Variants in CDH8 observed in about 807,000 individuals in gnomAD.
CDH8 encodes cadherin-8.
Under a neutral mutation model 68.1 loss-of-function variants are expected in CDH8, and 17 were observed. The observed-to-expected ratio is 0.25, with a 90% CI of 0.17 to 0.37. CDH8 has a LOEUF of 0.37. Ranked by LOEUF, CDH8 falls within the 10% of genes least tolerant of loss-of-function variation. The pLI, the probability that CDH8 is intolerant of heterozygous loss-of-function variation, is 1.00. For missense variants in CDH8, 763 were observed against 999.3 expected (o/e 0.76, Z 3.19); for synonymous variants, 372 against 365.1 (o/e 1.02, Z -0.21).
At chr16:61,721,639 T>C (rs1033350717) in intron 9 of CDH8, among the ~76,000 whole-genome samples, 8 of 140,306 alleles carry the variant, frequency 5.7e-5, no homozygotes, top group African/African-American at 2.1e-4. Context: ...GTCACAGGAA[T>C]GTATTGTTTT....
intron 8 of CDH8, 109 bp from the exon 9 acceptor site, chr16:61,727,324 A>C: frequency 8.7e-7 from 1 of 1,144,110 alleles, no homozygotes; most frequent in Non-Finnish European, 1.2e-6. Flanking sequence ...CTTAATTAGG[A>C]TGTTTTCAAC....
intron 2 of CDH8, among the ~76,000 whole-genome samples, chr16:61,980,564 A>G (rs1246242308): frequency 6.6e-6 from 1 of 152,150 alleles, no homozygotes; most frequent in Non-Finnish European, 1.5e-5. Context: ...TACAACCCTC[A>G]GGTCAGTTAT....
chr16:61,842,725 G>A (rs1962712771), intron 4 of CDH8, among the ~76,000 whole-genome samples: 1 of 152,168 alleles, frequency 6.6e-6, no homozygotes, highest in African/African-American at 2.4e-5. Context: ...GAATACTCAA[G>A]AGCCAGAGCA....
At position 61,954,745 on chromosome 16, in the gene CDH8, G is replaced by A. The variant is rs117010778; in HGVS notation, c.253-53272C>T. 2.6e-4 allele frequency among the ~76,000 whole-genome samples: 40 copies of A among 151,128 alleles called. No homozygotes were observed. The East Asian group carries it at 6.8e-3, about 26-fold the overall frequency. ...AAGAAAGAAAGAAAGATAAATACAG[G>A]AAATGAATTTGCAAAACAAAAATAC... On this transcript the variant is annotated intron_variant, in intron 2 of 11. Transcript: ENST00000577390.
At chr16:61,893,069 T>C (rs1785377627) in intron 3 of CDH8, among the ~76,000 whole-genome samples, 1 of 152,092 alleles carries the variant, frequency 6.6e-6, no homozygotes, top group Non-Finnish European at 1.5e-5. Context: ...GAGTCCAAAA[T>C]CAAGATGTCA....
At chr16:61,784,455 C>A (rs1298050478) in intron 8 of CDH8, among the ~76,000 whole-genome samples, 1 of 150,028 alleles carries the variant, frequency 6.7e-6, no homozygotes, top group African/African-American at 2.5e-5. Context: ...GAGTGACCTA[C>A]AAAGAGACTT....
chr16:61,780,830 T>C lies in CDH8; in HGVS notation c.1414+8516A>G, dbSNP rs1961032014. 2.6e-5 allele frequency among the ~76,000 whole-genome samples: 4 copies of C among 152,220 alleles called. No individual in the cohort carries two copies. The South Asian group carries it at 8.3e-4, about 32-fold the overall frequency. On this transcript the variant is annotated intron_variant, in intron 8 of 11. Transcript: ENST00000577390. ...TGATCTTATGATTTCCACTTCCCTT[T>C]ATGATTAAGAAAATAGATGGTTTAA...
At chr16:62,019,152 G>T (rs773975171) in intron 2 of CDH8, among the ~76,000 whole-genome samples, 4 of 152,196 alleles carry the variant, frequency 2.6e-5, no homozygotes, top group Admixed American at 6.6e-5. Flanking sequence ...ATTTCATATG[G>T]TATAAGAACG....
intron 1 of CDH8, among the ~76,000 whole-genome samples, chr16:62,032,923 T>C (rs771655303): frequency 9.2e-5 from 14 of 152,170 alleles, no homozygotes; most frequent in Non-Finnish European, 1.9e-4. Flanking sequence ...TGTTGAAGTG[T>C]GGGTTTGAAC....
intron 7 of CDH8, among the ~76,000 whole-genome samples, chr16:61,799,759 A>G (rs1191070279): frequency 4.6e-5 from 7 of 152,218 alleles, no homozygotes. Flanking sequence ...GTGTATAACT[A>G]TGTCAAAATA....
At chr16:61,870,879 TC>T (rs1299199617) in intron 3 of CDH8, among the ~76,000 whole-genome samples, 1 of 152,186 alleles carries the variant, frequency 6.6e-6, no homozygotes, top group Non-Finnish European at 1.5e-5. Flanking sequence ...ATAATTACCA[TC>T]AAATATAAAG....
intron 8 of CDH8, among the ~76,000 whole-genome samples, chr16:61,788,107 C>T (rs1292108682): frequency 6.7e-6 from 1 of 148,310 alleles, no homozygotes; most frequent in East Asian, 2.0e-4. Flanking sequence ...AAAAAAGAAA[C>T]AAACATTCTT....
chr16:61,677,147 G>A (rs749418459), intron 10 of CDH8, among the ~76,000 whole-genome samples: 6 of 151,348 alleles, frequency 4.0e-5, no homozygotes, highest in South Asian at 2.1e-4. Flanking sequence ...TTGTCTTCTC[G>A]CTCCATTCCT....
intron 3 of CDH8, among the ~76,000 whole-genome samples, chr16:61,884,435 G>T (rs556061171): frequency 6.6e-6 from 1 of 150,732 alleles, no homozygotes; most frequent in Non-Finnish European, 1.5e-5. Context: ...GAGCAGTGGC[G>T]TGATCTCGGC....
intron 2 of CDH8, among the ~76,000 whole-genome samples, chr16:61,988,487 T>C (rs1965663075): frequency 6.6e-6 from 1 of 152,102 alleles, no homozygotes; most frequent in Non-Finnish European, 1.5e-5. Flanking sequence ...AATAACAGTA[T>C]AAAACCACCC....
chr16:61,905,573 T>C (rs1348909583), intron 2 of CDH8, among the ~76,000 whole-genome samples: 1 of 152,132 alleles, frequency 6.6e-6, no homozygotes, highest in East Asian at 1.9e-4. Context: ...TTACTGAGAT[T>C]GAGAGATTTT....
intron 10 of CDH8, 42 bp downstream of exon 10, chr16:61,713,799 C>T: frequency 9.5e-7 from 1 of 1,051,650 alleles, no homozygotes. Flanking sequence ...TCCTATTTTC[C>T]AATTTATATT....
intron 3 of CDH8, among the ~76,000 whole-genome samples, chr16:61,869,779 T>G (rs1013834882): frequency 6.6e-6 from 1 of 152,160 alleles, no homozygotes; most frequent in Admixed American, 6.5e-5. Context: ...CAAGAATAAT[T>G]TGAGGAAACA....
chr16:61,906,760 A>G (rs1245286085), intron 2 of CDH8, among the ~76,000 whole-genome samples: 1 of 152,222 alleles, frequency 6.6e-6, no homozygotes, highest in African/African-American at 2.4e-5. Context: ...CAAAACAATG[A>G]TTGTAAAAAG....
Sources: gnomAD v4.1 joint callset for allele counts (sites outside exome capture counted in the v4.1 genomes callset) on GRCh38, gnomAD v4.1.1 for gene constraint, MANE v1.5 for transcripts, NCBI Gene and HGNC (gene_info 2026-07-23, HGNC 2026-07-21) for gene names.